Variants in RBFOX1 observed in about 807,000 individuals in gnomAD.
RBFOX1 encodes RNA binding protein fox-1 homolog 1.
RBFOX1 carries 8 observed loss-of-function variants against 57.7 expected under a neutral mutation model. That is an observed-to-expected ratio of 0.14 (90% CI 0.08 to 0.25). The LOEUF is 0.25. RBFOX1 is among the 10% of genes least tolerant of loss of function. RBFOX1 has a pLI of 1.00. For missense variants in RBFOX1, 611 were observed against 548.5 expected, an observed-to-expected ratio of 1.11 and a Z score of -1.14; for synonymous variants, 326 against 222.4, an observed-to-expected ratio of 1.47 and a Z score of -4.15.
rs1039498806 is a variant in RBFOX1 at position 7,024,722 on chromosome 16, G to C, written c.-15-27335G>C. Among the ~76,000 whole-genome samples the C allele has an allele frequency of 9.8e-5, 15 of 152,298 alleles. 1 individual carries two copies. The South Asian group carries it at 1.0e-3, about 11-fold the overall frequency. ...CACAAATTCCTCAGCACTCTGTCCT[G>C]CTCTTGTTGCTGGACTTGATTGTCT... On this transcript the variant is annotated intron_variant, in intron 3 of 15. Transcript: ENST00000550418.
At chr16:6,661,700 G>A (rs566643848) in intron 3 of RBFOX1, among the ~76,000 whole-genome samples, 26 of 152,334 alleles carry the variant, frequency 1.7e-4, no homozygotes, top group African/African-American at 2.4e-4. Context: ...CGAGCAAGAC[G>A]AAGTCAGCCA....
intron 4 of RBFOX1, among the ~76,000 whole-genome samples, chr16:5,938,015 A>G (rs975751607): frequency 3.9e-5 from 6 of 152,128 alleles, no homozygotes; most frequent in Admixed American, 3.9e-4. Context: ...ATTTTTGGGT[A>G]TCTGTTTTTA....
At chr16:6,636,212 C>T (rs1448708187) in intron 2 of RBFOX1, among the ~76,000 whole-genome samples, 1 of 152,096 alleles carries the variant, frequency 6.6e-6, no homozygotes, top group Non-Finnish European at 1.5e-5. Context: ...GCTCTGTCGC[C>T]CAGGCTGGAG....
chr16:6,755,325 TA>T (rs994365256), intron 3 of RBFOX1, among the ~76,000 whole-genome samples: 10 of 152,164 alleles, frequency 6.6e-5, no homozygotes, highest in Admixed American at 5.9e-4. Flanking sequence ...ACCAACAGTG[TA>T]AAAGTGTTCC....
intron 3 of RBFOX1, among the ~76,000 whole-genome samples, chr16:5,797,665 T>A (rs2054922918): frequency 6.6e-6 from 1 of 152,238 alleles, no homozygotes; most frequent in African/African-American, 2.4e-5. Context: ...CTTCAAATAT[T>A]TTGTTAGCTA....
At chr16:5,794,654 G>A (rs554420548) in intron 3 of RBFOX1, among the ~76,000 whole-genome samples, 5 of 152,190 alleles carry the variant, frequency 3.3e-5, no homozygotes, top group Non-Finnish European at 7.4e-5. Context: ...GCAGCTGGAG[G>A]AGTCGGGCGG....
intron 1 of RBFOX1, among the ~76,000 whole-genome samples, chr16:5,379,119 G>A (rs370427548): frequency 5.3e-5 from 8 of 151,546 alleles, no homozygotes; most frequent in Non-Finnish European, 8.8e-5. Context: ...CATCAACAGC[G>A]TAAGAGACGG....
At chr16:7,377,300 G>T (rs1446666541) in intron 4 of RBFOX1, among the ~76,000 whole-genome samples, 1 of 152,124 alleles carries the variant, frequency 6.6e-6, no homozygotes, top group Admixed American at 6.6e-5. Flanking sequence ...CAGGTGGTCC[G>T]TATCACCCAC....
intron 2 of RBFOX1, among the ~76,000 whole-genome samples, chr16:6,516,662 G>A (rs1027681402): frequency 2.0e-5 from 3 of 152,168 alleles, no homozygotes; most frequent in African/African-American, 7.2e-5. Context: ...TCTGTTGATT[G>A]TCAAGATTTC....
chr16:7,184,441 C>T (rs759841469), intron 4 of RBFOX1, among the ~76,000 whole-genome samples: 17 of 152,198 alleles, frequency 1.1e-4, no homozygotes, highest in Non-Finnish European at 2.4e-4. Flanking sequence ...CACCTCATGA[C>T]CCAGGGTGTC....
intron 4 of RBFOX1, among the ~76,000 whole-genome samples, chr16:7,366,486 C>T (rs1443182186): frequency 6.6e-6 from 1 of 152,190 alleles, no homozygotes; most frequent in African/African-American, 2.4e-5. Flanking sequence ...ATAAACCCTC[C>T]AGGACAGACA....
Position 6,030,163 on chromosome 16 carries a change from A to G in RBFOX1, c.-127+10171A>G, listed in dbSNP as rs558770239. ...GGCTGGTCTTGAACTCCTGGGGTCA[A>G]GCAATCTTCCCTTACAAAGTGCTGG... On this transcript the variant is annotated intron_variant, in intron 1 of 15. Transcript: ENST00000550418. Among the ~76,000 whole-genome samples the G allele has an allele frequency of 4.6e-5, 7 of 152,296 alleles. No individual in the cohort carries two copies. The South Asian group carries it at 1.5e-3, about 32-fold the overall frequency.
chr16:6,980,555 G>C (rs912990038), intron 3 of RBFOX1, among the ~76,000 whole-genome samples: 3 of 152,278 alleles, frequency 2.0e-5, no homozygotes, highest in Admixed American at 6.5e-5. Flanking sequence ...TTTGACATGA[G>C]AATCAAAAGC....
At chr16:5,433,367 G>T (rs2151518384) in intron 1 of RBFOX1, among the ~76,000 whole-genome samples, 1 of 152,254 alleles carries the variant, frequency 6.6e-6, no homozygotes, top group Admixed American at 6.5e-5. Context: ...CTCCTGGCTG[G>T]GGGTGAGAAT....
intron 2 of RBFOX1, among the ~76,000 whole-genome samples, chr16:6,447,434 G>T (rs1893548453): frequency 6.6e-6 from 1 of 152,198 alleles, no homozygotes; most frequent in Non-Finnish European, 1.5e-5. Flanking sequence ...TTATAAAAAT[G>T]AGGTAGGCGT....
intron 4 of RBFOX1, among the ~76,000 whole-genome samples, chr16:7,306,575 G>T (rs992590917): frequency 3.5e-5 from 1 of 28,818 alleles, no homozygotes; most frequent in Non-Finnish European, 6.2e-5. Flanking sequence ...TGTGGGAATG[G>T]TGTGCGTGTG....
At chr16:7,527,016 C>T (rs2078856578) in intron 5 of RBFOX1, among the ~76,000 whole-genome samples, 1 of 152,216 alleles carries the variant, frequency 6.6e-6, no homozygotes, top group Non-Finnish European at 1.5e-5. Context: ...AGGGCCCCAG[C>T]AGACCCAAGC....
intron 4 of RBFOX1, among the ~76,000 whole-genome samples, chr16:5,914,310 T>C (rs1190619241): frequency 1.3e-5 from 2 of 152,228 alleles, no homozygotes; most frequent in African/African-American, 4.8e-5. Flanking sequence ...CAATTTTTGT[T>C]GGGTCAGAAA....
At chr16:5,832,317 C>G (rs113698231) in intron 3 of RBFOX1, among the ~76,000 whole-genome samples, 3 of 152,230 alleles carry the variant, frequency 2.0e-5, no homozygotes, top group African/African-American at 4.8e-5. Context: ...GGCTAATGGA[C>G]TAGGGAAGGG....
Sources: gnomAD v4.1 joint callset for allele counts (sites outside exome capture counted in the v4.1 genomes callset) on GRCh38, gnomAD v4.1.1 for gene constraint, MANE v1.5 for transcripts, NCBI Gene and HGNC (gene_info 2026-07-23, HGNC 2026-07-21) for gene names.